Variants in CNTNAP2 observed in about 807,000 individuals in gnomAD.
CNTNAP2 encodes the protein contactin-associated protein-like 2.
Under a neutral mutation model 155.2 loss-of-function variants are expected in CNTNAP2, and 98 were observed. The observed-to-expected ratio is 0.63, with a 90% confidence interval of 0.54 to 0.75. The LOEUF is 0.75. CNTNAP2 is among the 30% of genes least tolerant of loss of function. The pLI, the probability that CNTNAP2 is intolerant of heterozygous loss-of-function variation, is 0.00. For synonymous variants in CNTNAP2, 651 were observed against 631.2 expected (o/e 1.03, Z -0.47); for missense variants, 1,727 against 1,688.1 (o/e 1.02, Z -0.40).
chr7:147,524,644 C>T (rs547718679), intron 11 of CNTNAP2, among the ~76,000 whole-genome samples: 154 of 152,298 alleles, frequency 1.0e-3, no homozygotes, highest in Non-Finnish European at 1.9e-3. Flanking sequence ...AACATGCATA[C>T]TCTGTGCAGA....
intron 1 of CNTNAP2, among the ~76,000 whole-genome samples, chr7:146,204,502 G>A (rs1001729620): frequency 2.0e-5 from 3 of 151,982 alleles, no homozygotes; most frequent in African/African-American, 7.2e-5. Flanking sequence ...TACATGCCTA[G>A]TTTACAAACA....
At chr7:147,085,018 T>C (rs1800242651) in intron 4 of CNTNAP2, among the ~76,000 whole-genome samples, 1 of 151,970 alleles carries the variant, frequency 6.6e-6, no homozygotes, top group Non-Finnish European at 1.5e-5. Flanking sequence ...AAAATCAGGC[T>C]TATTTTTTTC....
intron 20 of CNTNAP2, among the ~76,000 whole-genome samples, chr7:148,254,845 T>A (rs922156677): frequency 1.3e-5 from 2 of 152,096 alleles, no homozygotes; most frequent in African/African-American, 4.8e-5. Flanking sequence ...TGTTAATATC[T>A]ATTTTCAAAA....
rs531551461 is a variant in CNTNAP2, at chr7:147,054,007, C to T, written c.550+9953C>T. Among the ~76,000 whole-genome samples the T allele has an allele frequency of 4.4e-4, 67 of 152,236 alleles. 1 individual carries two copies. Among genetic ancestry groups the T allele is most frequent in the African/African-American group, 1.5e-3 (63 of 41,556 alleles). On this transcript the variant is annotated intron_variant, in intron 4 of 23. Transcript: ENST00000361727. The stretch of plus-strand genomic sequence containing the variant: ...CACAGAGTTATGCGACTTGCATAAG[C>T]GAATTAATCGCAGACCTAGAAATCC...
At chr7:146,237,262 A>T (rs1799489765) in intron 1 of CNTNAP2, among the ~76,000 whole-genome samples, 1 of 152,188 alleles carries the variant, frequency 6.6e-6, no homozygotes, top group African/African-American at 2.4e-5. Context: ...GAATGTTCTC[A>T]AAGTAGCCAC....
chr7:146,386,447 G>A (rs2129105839), intron 1 of CNTNAP2, among the ~76,000 whole-genome samples: 1 of 152,264 alleles, frequency 6.6e-6, no homozygotes, highest in South Asian at 2.1e-4. Flanking sequence ...GGAGGACAGT[G>A]GCATGATCTT....
At chr7:147,793,594 A>G (rs1463551970) in intron 13 of CNTNAP2, among the ~76,000 whole-genome samples, 1 of 152,040 alleles carries the variant, frequency 6.6e-6, no homozygotes, top group Non-Finnish European at 1.5e-5. Flanking sequence ...TTGAAATTGG[A>G]AAGTGTGAGT....
intron 10 of CNTNAP2, among the ~76,000 whole-genome samples, chr7:147,466,258 C>A (rs1036368916): frequency 2.6e-5 from 4 of 152,232 alleles, no homozygotes; most frequent in African/African-American, 9.6e-5. Flanking sequence ...CTCTCTACAG[C>A]ATTCCTTCTT....
At chr7:146,462,813 A>G (rs1796657628) in intron 1 of CNTNAP2, among the ~76,000 whole-genome samples, 1 of 152,334 alleles carries the variant, frequency 6.6e-6, no homozygotes, top group African/African-American at 2.4e-5. Context: ...TGTGGATCAC[A>G]TGATTGATCC....
At chr7:147,351,346 T>C (rs1055566784) in intron 9 of CNTNAP2, among the ~76,000 whole-genome samples, 2 of 151,732 alleles carry the variant, frequency 1.3e-5, no homozygotes, top group Non-Finnish European at 3.0e-5. Context: ...ATTATATTTG[T>C]TCATATGCAG....
At chr7:147,502,952 C>T (rs1020981604) in intron 11 of CNTNAP2, among the ~76,000 whole-genome samples, 28 of 152,134 alleles carry the variant, frequency 1.8e-4, no homozygotes, top group African/African-American at 5.5e-4. Context: ...AATAGTTGAG[C>T]GAGAAGTACC....
chr7:146,719,131 G>T (rs1337422337), intron 1 of CNTNAP2, among the ~76,000 whole-genome samples: 3 of 152,108 alleles, frequency 2.0e-5, no homozygotes, highest in Admixed American at 2.0e-4. Flanking sequence ...GCAATAAGGA[G>T]AATTTTATTT....
At chr7:146,996,833 T>C (rs960747471) in intron 3 of CNTNAP2, among the ~76,000 whole-genome samples, 2 of 152,060 alleles carry the variant, frequency 1.3e-5, no homozygotes, top group Non-Finnish European at 2.9e-5. Context: ...TAATTCCCAC[T>C]TGTTGTGGGA....
intron 14 of CNTNAP2, among the ~76,000 whole-genome samples, chr7:147,975,729 T>C (rs996654570): frequency 3.3e-5 from 5 of 150,730 alleles, no homozygotes; most frequent in African/African-American, 1.2e-4. Flanking sequence ...TCCTCTTGCA[T>C]GTTTCTTTGC....
chr7:147,202,895 A>G (rs932413566), intron 8 of CNTNAP2, among the ~76,000 whole-genome samples: 8 of 151,538 alleles, frequency 5.3e-5, no homozygotes, highest in Non-Finnish European at 8.8e-5. Context: ...CAAGGAATAG[A>G]TCAATATTGT....
At chr7:147,967,048 C>T (rs1415613422) in intron 14 of CNTNAP2, among the ~76,000 whole-genome samples, 1 of 151,614 alleles carries the variant, frequency 6.6e-6, no homozygotes, top group Non-Finnish European at 1.5e-5. Context: ...TTTGAGATGC[C>T]AGGAGTTGGC....
chr7:148,169,026 C>T (rs1562981998), intron 17 of CNTNAP2, among the ~76,000 whole-genome samples: 1 of 152,008 alleles, frequency 6.6e-6, no homozygotes, highest in Non-Finnish European at 1.5e-5. Flanking sequence ...AAAGAAACAC[C>T]ATAGAGAAGT....
At chr7:147,398,840 G>T (rs1796866126) in intron 10 of CNTNAP2, among the ~76,000 whole-genome samples, 1 of 150,286 alleles carries the variant, frequency 6.7e-6, no homozygotes, top group Non-Finnish European at 1.5e-5. Flanking sequence ...GGGAGGGGAG[G>T]AAGGAGAGAT....
At chr7:147,728,173 ATGTGTGTG>A (rs72352266) in intron 13 of CNTNAP2, among the ~76,000 whole-genome samples, 1 of 91,490 alleles carries the variant, frequency 1.1e-5, no homozygotes, top group Non-Finnish European at 2.8e-5. Flanking sequence ...TACACACACA[ATGTGTGTG>A]TGTGTGTGTG....
Sources: allele counts gnomAD v4.1 joint callset (sites outside exome capture counted in the v4.1 genomes callset), GRCh38; gene constraint gnomAD v4.1.1; transcripts MANE v1.5; gene names NCBI Gene and HGNC (gene_info 2026-07-23, HGNC 2026-07-21).